NKAIN2: variants seen among roughly 807,000 people sequenced by gnomAD.
NKAIN2 encodes sodium/potassium transporting ATPase interacting 2.
A neutral mutation model predicts 32.6 loss-of-function variants in NKAIN2; 14 were observed. The observed-to-expected ratio is 0.43, with a 90% CI of 0.28 to 0.67. The LOEUF (loss-of-function observed/expected upper bound fraction) is 0.67, where lower values mean the gene tolerates loss of function less well. Among genes scored for constraint, NKAIN2 ranks in the 30% least tolerant of loss-of-function variants. The pLI, the probability that NKAIN2 is intolerant of heterozygous loss-of-function variation, is 0.17. For synonymous variants in NKAIN2, 80 were observed against 87.2 expected (o/e 0.92, Z 0.46); for missense variants, 198 against 258.3 (o/e 0.77, Z 1.60).
At chr6:123,877,562 A>G (rs1321604218) in intron 1 of NKAIN2, among the ~76,000 whole-genome samples, 1 of 152,230 alleles carries the variant, frequency 6.6e-6, no homozygotes, top group African/African-American at 2.4e-5. Flanking sequence ...TTGCAGGTTC[A>G]GTCCCATGCA....
At chr6:124,724,984 C>T (rs1362121191) in intron 4 of NKAIN2, among the ~76,000 whole-genome samples, 1 of 152,178 alleles carries the variant, frequency 6.6e-6, no homozygotes, top group Admixed American at 6.5e-5. Context: ...CATAAAATTA[C>T]AATGATTTCA....
intron 4 of NKAIN2, among the ~76,000 whole-genome samples, chr6:124,686,226 C>T (rs79011451): frequency 0.17 from 25,992 of 152,104 alleles, 2,480 homozygotes; most frequent in East Asian, 0.34. Flanking sequence ...GAAAGACTCC[C>T]GCAAGGCAGG....
intron 1 of NKAIN2, among the ~76,000 whole-genome samples, chr6:124,059,029 G>C (rs1259616872): frequency 6.6e-6 from 1 of 152,034 alleles, no homozygotes; most frequent in Admixed American, 6.6e-5. Context: ...GGGCAAGCCA[G>C]TAGGTTTGAT....
At chr6:123,992,351 A>C (rs2114691712) in intron 1 of NKAIN2, among the ~76,000 whole-genome samples, 1 of 152,306 alleles carries the variant, frequency 6.6e-6, no homozygotes, top group African/African-American at 2.4e-5. Flanking sequence ...AAGTAAAAGG[A>C]AATTTTGCTG....
intron 1 of NKAIN2, among the ~76,000 whole-genome samples, chr6:123,957,221 G>T (rs1041782423): frequency 1.3e-5 from 2 of 152,110 alleles, no homozygotes; most frequent in African/African-American, 4.8e-5. Flanking sequence ...AATATTTTCA[G>T]CCTATAGAAA....
intron 3 of NKAIN2, among the ~76,000 whole-genome samples, chr6:124,435,449 A>G (rs1775401586): frequency 6.6e-6 from 1 of 152,174 alleles, no homozygotes. Flanking sequence ...TGTTTGCTAT[A>G]GTTCTAAATG....
At chr6:124,756,130 A>G (rs748390129) in intron 4 of NKAIN2, among the ~76,000 whole-genome samples, 3 of 152,146 alleles carry the variant, frequency 2.0e-5, no homozygotes, top group African/African-American at 4.8e-5. Flanking sequence ...ACAAAGATAT[A>G]TTTTTACATA....
intron 2 of NKAIN2, among the ~76,000 whole-genome samples, chr6:124,321,179 G>A (rs1797170906): frequency 6.6e-6 from 1 of 152,238 alleles, no homozygotes. Flanking sequence ...TAGCACCTTT[G>A]CATCTGTTTT....
chr6:123,924,507 G>T (rs758298500), intron 1 of NKAIN2, among the ~76,000 whole-genome samples: 2 of 152,152 alleles, frequency 1.3e-5, no homozygotes, highest in Non-Finnish European at 2.9e-5. Context: ...AATCTATACA[G>T]AATTATATGT....
intron 1 of NKAIN2, among the ~76,000 whole-genome samples, chr6:124,211,923 G>A (rs1791196931): frequency 6.6e-6 from 1 of 152,020 alleles, no homozygotes; most frequent in African/African-American, 2.4e-5. Flanking sequence ...GATTGGCATT[G>A]TTTGAGTTCC....
intron 1 of NKAIN2, among the ~76,000 whole-genome samples, chr6:123,992,704 G>A (rs1779464109): frequency 6.6e-6 from 1 of 152,168 alleles, no homozygotes. Flanking sequence ...AGTGTTTAAT[G>A]CAAACTGGAA....
At chr6:124,784,052 TAAGAA>T (rs1301216574) in intron 4 of NKAIN2, among the ~76,000 whole-genome samples, 1 of 152,148 alleles carries the variant, frequency 6.6e-6, no homozygotes, top group Non-Finnish European at 1.5e-5. Context: ...TCTTTGTACT[TAAGAA>T]AACAAGCATA....
intron 1 of NKAIN2, among the ~76,000 whole-genome samples, chr6:124,163,925 G>C (rs961050731): frequency 2.0e-5 from 3 of 151,930 alleles, no homozygotes; most frequent in Non-Finnish European, 4.4e-5. Flanking sequence ...GCAGAAAGAC[G>C]AATAGAGAGC....
At chr6:124,783,500 T>C (rs977226211) in intron 4 of NKAIN2, among the ~76,000 whole-genome samples, 3 of 152,174 alleles carry the variant, frequency 2.0e-5, no homozygotes, top group African/African-American at 7.2e-5. Flanking sequence ...TCTGACCCAG[T>C]AGGCTGTGAA....
rs1229494702 is a variant in NKAIN2, at chr6:124,441,029, C to T, written c.273+85682C>T. Reference sequence around the variant, plus strand: ...ACATTGTCATCCTTTCTGGGTATCACCTAAGATCACACTTGGATAATTGTG... The same window carrying T: ...ACATTGTCATCCTTTCTGGGTATCATCTAAGATCACACTTGGATAATTGTG... On this transcript the variant is annotated intron_variant, in intron 3 of 6. Coordinates refer to ENST00000368417, the MANE Select transcript of NKAIN2 (RefSeq NM_001040214.3). 4.6e-5 allele frequency among the ~76,000 whole-genome samples: 7 copies of T among 152,062 alleles called. No individual in the cohort carries two copies. The East Asian group carries it at 1.4e-3, about 29-fold the overall frequency.
chr6:123,876,346 G>A (rs1773169951), intron 1 of NKAIN2, among the ~76,000 whole-genome samples: 1 of 152,136 alleles, frequency 6.6e-6, no homozygotes, highest in African/African-American at 2.4e-5. Context: ...TAGATTATAA[G>A]TTGATTTTTG....
At chr6:124,157,162 G>T (rs1005757495) in intron 1 of NKAIN2, among the ~76,000 whole-genome samples, 4 of 143,110 alleles carry the variant, frequency 2.8e-5, no homozygotes, top group Non-Finnish European at 6.1e-5. Flanking sequence ...AGAAAACATG[G>T]AGACACAGAG....
intron 1 of NKAIN2, among the ~76,000 whole-genome samples, chr6:124,055,276 A>G (rs1782593210): frequency 6.6e-6 from 1 of 152,112 alleles, no homozygotes; most frequent in African/African-American, 2.4e-5. Flanking sequence ...AAACGAATGC[A>G]TAATTTTAAA....
intron 3 of NKAIN2, among the ~76,000 whole-genome samples, chr6:124,438,732 A>G (rs568946894): frequency 1.3e-5 from 2 of 152,218 alleles, no homozygotes; most frequent in African/African-American, 4.8e-5. Context: ...CACTAACTAA[A>G]TAACATTTTT....
Sources: gnomAD v4.1 joint callset for allele counts (sites outside exome capture counted in the v4.1 genomes callset) on GRCh38, gnomAD v4.1.1 for gene constraint, MANE v1.5 for transcripts, NCBI Gene and HGNC (gene_info 2026-07-23, HGNC 2026-07-21) for gene names.